The following NCAM2 variants were observed in gnomAD, a reference collection of about 807,000 sequenced individuals.
NCAM2 encodes the protein N-CAM-2.
In NCAM2, 30 loss-of-function variants were observed where a neutral mutation model predicts 98.1. The ratio of observed to expected loss-of-function variants is 0.31; its 90% confidence interval spans 0.23 to 0.41. The LOEUF (loss-of-function observed/expected upper bound fraction) is 0.41. Ranked by LOEUF, NCAM2 falls within the 10% of genes least tolerant of loss-of-function variation. NCAM2 has a pLI of 1.00. For synonymous variants in NCAM2, 368 were observed against 342.4 expected (o/e 1.07, Z -0.83); for missense variants, 867 against 1,005.8 (o/e 0.86, Z 1.87).
At chr21:21,069,200 A>G (rs1267578148) in intron 1 of NCAM2, among the ~76,000 whole-genome samples, 1 of 152,218 alleles carries the variant, frequency 6.6e-6, no homozygotes, top group Non-Finnish European at 1.5e-5. Flanking sequence ...AGTTGAATTC[A>G]CTAATTCTTA....
chr21:21,144,369 A>T (rs945359666), intron 1 of NCAM2, among the ~76,000 whole-genome samples: 6 of 151,670 alleles, frequency 4.0e-5, no homozygotes, highest in Non-Finnish European at 7.4e-5. Context: ...AAAAATCAAC[A>T]TTTCAAATTA....
At chr21:21,285,543 G>A (rs933759297) in intron 3 of NCAM2, among the ~76,000 whole-genome samples, 1 of 151,830 alleles carries the variant, frequency 6.6e-6, no homozygotes, top group Admixed American at 6.6e-5. Context: ...ATAATGTTTG[G>A]AAATACTTCT....
At chr21:21,081,903 T>A (rs1167344245) in intron 1 of NCAM2, among the ~76,000 whole-genome samples, 1 of 151,988 alleles carries the variant, frequency 6.6e-6, no homozygotes, top group South Asian at 2.1e-4. Flanking sequence ...AGTATAGAAG[T>A]GCTCTACGCA....
At chr21:21,470,879 A>G (rs1287414756) in intron 14 of NCAM2, among the ~76,000 whole-genome samples, 1 of 152,090 alleles carries the variant, frequency 6.6e-6, no homozygotes, top group Non-Finnish European at 1.5e-5. Flanking sequence ...TTAGGCACCT[A>G]TGGCAAATTT....
intron 1 of NCAM2, among the ~76,000 whole-genome samples, chr21:21,232,454 T>G (rs1048144083): frequency 1.3e-4 from 19 of 151,728 alleles, no homozygotes; most frequent in South Asian, 4.1e-4. Flanking sequence ...TTTTTGAGTT[T>G]CAGTTGTACA....
chr21:21,353,544 A>G (rs1241764320), intron 8 of NCAM2, among the ~76,000 whole-genome samples: 1 of 152,160 alleles, frequency 6.6e-6, no homozygotes, highest in Non-Finnish European at 1.5e-5. Context: ...CTCACGTCCT[A>G]TGCTAGATGA....
At chr21:21,216,481 G>A (rs2069905088) in intron 1 of NCAM2, among the ~76,000 whole-genome samples, 1 of 152,172 alleles carries the variant, frequency 6.6e-6, no homozygotes, top group Admixed American at 6.5e-5. Flanking sequence ...CTGGTTGGAA[G>A]GACATGACCT....
chr21:21,042,982 C>G (rs1255212789), intron 1 of NCAM2, among the ~76,000 whole-genome samples: 1 of 152,100 alleles, frequency 6.6e-6, no homozygotes. Flanking sequence ...CATGTACTGT[C>G]AATATAACTT....
chr21:21,174,123 T>G (rs755875901), intron 1 of NCAM2, among the ~76,000 whole-genome samples: 76 of 152,118 alleles, frequency 5.0e-4, no homozygotes, highest in Non-Finnish European at 9.1e-4. Flanking sequence ...TTTCACCATG[T>G]TGGCCAAGCT....
At chr21:21,522,749 A>T (rs1187757715) in intron 16 of NCAM2, among the ~76,000 whole-genome samples, 1 of 148,140 alleles carries the variant, frequency 6.8e-6, no homozygotes, top group Non-Finnish European at 1.5e-5. Flanking sequence ...CTCCTGCCTC[A>T]GACTCCTGAG....
rs942523925 is a variant in NCAM2 at position 21,284,195 on chromosome 21, G to A, written c.132G>A (p.Ala44=). The A allele has an allele frequency of 1.6e-5, 25 of 1,608,566 alleles. No individual in the cohort carries two copies. The highest frequency in any genetic ancestry group is 6.7e-5 in the African/African-American group (5 of 74,820). ...TTTATTTTCCATGGCTCTTTGCAGC[G>A]ATTGGTGAACCTGAAAGTATAGATT... ...VGESKFFTCT[A]IGEPESIDWY... is the part of the protein sequence containing the mutation. Residue 44 remains alanine, a splice_region_variant and synonymous_variant, in exon 3 of 18, where the codon GCG becomes GCA. Transcript: ENST00000400546.
At chr21:21,113,685 T>A (rs2146535953) in intron 1 of NCAM2, among the ~76,000 whole-genome samples, 1 of 152,340 alleles carries the variant, frequency 6.6e-6, no homozygotes, top group African/African-American at 2.4e-5. Flanking sequence ...GGAATTGTTA[T>A]CAACTCTTAA....
chr21:21,001,274 A>G (rs1168445096), intron 1 of NCAM2, among the ~76,000 whole-genome samples: 2 of 152,204 alleles, frequency 1.3e-5, no homozygotes, highest in Admixed American at 6.5e-5. Flanking sequence ...ATACAACCTT[A>G]TTGTTGTACA....
At chr21:21,433,479 C>T (rs1214682163) in intron 12 of NCAM2, among the ~76,000 whole-genome samples, 2 of 151,782 alleles carry the variant, frequency 1.3e-5, no homozygotes, top group African/African-American at 2.4e-5. Flanking sequence ...GTGGCTCATG[C>T]TTGTAATCCC....
intron 9 of NCAM2, among the ~76,000 whole-genome samples, chr21:21,394,448 T>TTAGTTAA (rs1442238268): frequency 1.4e-5 from 2 of 147,892 alleles, no homozygotes; most frequent in African/African-American, 5.0e-5. Flanking sequence ...CAGTTAGACC[T>TTAGTTAA]TAGTTAATTT....
intron 16 of NCAM2, among the ~76,000 whole-genome samples, chr21:21,522,844 C>A (rs190744954): frequency 8.9e-4 from 135 of 151,896 alleles, no homozygotes; most frequent in African/African-American, 3.2e-3. Flanking sequence ...GCTGGCCAGG[C>A]GTGTCTGAAA....
At chr21:21,092,981 A>G (rs984907902) in intron 1 of NCAM2, among the ~76,000 whole-genome samples, 2 of 149,164 alleles carry the variant, frequency 1.3e-5, no homozygotes, top group African/African-American at 4.9e-5. Context: ...GTAACCTGAC[A>G]TTGCCTGAGT....
At chr21:20,999,837 C>CA (rs1378599027) in intron 1 of NCAM2, among the ~76,000 whole-genome samples, 1 of 152,164 alleles carries the variant, frequency 6.6e-6, no homozygotes, top group Non-Finnish European at 1.5e-5. Flanking sequence ...TATCATTCTT[C>CA]AGCAGGGCTT....
At chr21:21,154,936 G>A (rs527678094) in intron 1 of NCAM2, among the ~76,000 whole-genome samples, 4 of 151,880 alleles carry the variant, frequency 2.6e-5, no homozygotes, top group East Asian at 1.9e-4. Context: ...GTGGGCTTTT[G>A]CTATGGTAAT....
Sources: allele counts gnomAD v4.1 joint callset (sites outside exome capture counted in the v4.1 genomes callset), GRCh38; gene constraint gnomAD v4.1.1; transcripts MANE v1.5; gene names NCBI Gene and HGNC (gene_info 2026-07-23, HGNC 2026-07-21).